Variants in NFILZ observed in about 807,000 individuals in gnomAD.
NFILZ encodes the protein NFIL3 like basic leucine zipper.
chr19:8,644,486 T>C (rs542401938), intron 3 of NFILZ, among the ~76,000 whole-genome samples: 5 of 151,876 alleles, frequency 3.3e-5, no homozygotes, highest in African/African-American at 1.2e-4. Context: ...GTCTATGCTA[T>C]GACTTTGAAG....
At chr19:8,654,723 C>G (rs961682471) in intron 3 of NFILZ, among the ~76,000 whole-genome samples, 1 of 152,170 alleles carries the variant, frequency 6.6e-6, no homozygotes. Context: ...CAGTTCCATA[C>G]AGCGCCCACC....
At chr19:8,653,815 G>T (rs1555748038) in intron 3 of NFILZ, among the ~76,000 whole-genome samples, 1 of 152,188 alleles carries the variant, frequency 6.6e-6, no homozygotes, top group African/African-American at 2.4e-5. Flanking sequence ...TCAGGCCCTT[G>T]GGGTGGGAAA....
At position 8,647,795 on chromosome 19, in the gene NFILZ, G is replaced by GCACACACACACA. The variant is rs879996864; in HGVS notation, c.-164+12080_-164+12091dup. Among the ~76,000 whole-genome samples the GCACACACACACA allele has an allele frequency of 1.3e-4, 10 of 76,332 alleles. No homozygotes were observed. In the East Asian group the frequency reaches 2.7e-3, roughly 20 times the overall value. 50.1% of individuals were successfully genotyped at this position (76,332 alleles called of 152,430 possible). A position where few individuals can be genotyped will look rare whatever the true frequency, so the allele number is the denominator to read the frequency against. ...CGCACACATGCGCGCGCGCGCGCGC[G>GCACACACACACA]CACACACACACACACACACACACAC... is the stretch of plus-strand genomic sequence containing the variant. On this transcript the variant is annotated intron_variant, in intron 3 of 5. Transcript: ENST00000691075.
intron 3 of NFILZ, among the ~76,000 whole-genome samples, chr19:8,657,196 G>A (rs1203126098): frequency 6.6e-6 from 1 of 151,770 alleles, no homozygotes; most frequent in Non-Finnish European, 1.5e-5. Context: ...CCAGGCTGGA[G>A]TACAGTGGTA....
intron 3 of NFILZ, among the ~76,000 whole-genome samples, chr19:8,645,684 G>C (rs8111024): frequency 0.041 from 6,262 of 152,248 alleles, 408 homozygotes; most frequent in African/African-American, 0.14. Flanking sequence ...GTGTGGGTAG[G>C]AGAATGGGAG....
intron 3 of NFILZ, among the ~76,000 whole-genome samples, chr19:8,650,450 T>A (rs1354390956): frequency 6.6e-6 from 1 of 150,834 alleles, no homozygotes; most frequent in East Asian, 2.0e-4. Context: ...AGGTCAGGAG[T>A]TTGAGACCAG....
intron 3 of NFILZ, among the ~76,000 whole-genome samples, chr19:8,638,247 T>C (rs1555746294): frequency 9.2e-5 from 14 of 152,198 alleles, no homozygotes; most frequent in Non-Finnish European, 1.5e-5. Flanking sequence ...TGTGTGATGC[T>C]AGAAGTGCGC....
chr19:8,656,482 C>CAGCGCACCTCCTCCCTGG (rs1289847301), intron 3 of NFILZ, among the ~76,000 whole-genome samples: 1 of 45,562 alleles, frequency 2.2e-5, no homozygotes, highest in African/African-American at 9.2e-5. Flanking sequence ...CCTTCTCCCG[C>CAGCGCACCTCCTCCCTGG]AGCCCACCTT....
intron 3 of NFILZ, among the ~76,000 whole-genome samples, chr19:8,642,990 C>T (rs2042925413): frequency 6.8e-6 from 1 of 146,736 alleles, no homozygotes; most frequent in Non-Finnish European, 1.5e-5. Flanking sequence ...CTCCCTGTCA[C>T]CCAGGCTGGA....
intron 3 of NFILZ, among the ~76,000 whole-genome samples, chr19:8,666,812 C>T (rs1244159065): frequency 6.6e-6 from 1 of 152,178 alleles, no homozygotes; most frequent in East Asian, 1.9e-4. Context: ...CAGCTCACTA[C>T]AGCCTCGACC....
rs2918318 is a variant in NFILZ at position 8,646,051 on chromosome 19, G to T, written c.-164+10305G>T. ...CCCTTATTTTTTTTTCTTTTTTTTT[G>T]GGGGGGATGGACTCTTGCTCTGTTG... On this transcript the variant is annotated intron_variant, in intron 3 of 5. Coordinates refer to ENST00000691075, the MANE Select transcript of NFILZ (RefSeq NM_001378600.1). 6.1e-3 allele frequency among the ~76,000 whole-genome samples: 922 copies of T among 150,564 alleles called. 14 individuals are homozygous for T. Among genetic ancestry groups the T allele is most frequent in the African/African-American group, 0.021 (872 of 40,952 alleles).
chr19:8,663,750 G>GTGTGTGTGTGTGTGTGTGTGTGTGTA (rs2043047277), intron 3 of NFILZ, among the ~76,000 whole-genome samples: 1 of 136,966 alleles, frequency 7.3e-6, no homozygotes, highest in Non-Finnish European at 1.6e-5. Flanking sequence ...GTGTGTGTGT[G>GTGTGTGTGTGTGTGTGTGTGTGTGTA]TGTGTGTGTG....
chr19:8,647,795 G>GCACACACACACACACA (rs879996864), intron 3 of NFILZ, among the ~76,000 whole-genome samples: 1 of 76,302 alleles, frequency 1.3e-5, no homozygotes, highest in East Asian at 4.5e-4. Flanking sequence ...GCGCGCGCGC[G>GCACACACACACACACA]CACACACACA....
intron 3 of NFILZ, among the ~76,000 whole-genome samples, chr19:8,660,366 C>T (rs1002444863): frequency 7.2e-5 from 11 of 151,888 alleles, no homozygotes; most frequent in African/African-American, 2.4e-4. Flanking sequence ...GGGGAATGGT[C>T]CCTGTTCTCG....
At chr19:8,647,336 C>T (rs1449861734) in intron 3 of NFILZ, among the ~76,000 whole-genome samples, 1 of 152,130 alleles carries the variant, frequency 6.6e-6, no homozygotes, top group Non-Finnish European at 1.5e-5. Flanking sequence ...CTTTGTGAGG[C>T]TGAAGTGGGT....
intron 3 of NFILZ, among the ~76,000 whole-genome samples, chr19:8,672,454 CA>C (rs143520257): frequency 1.4e-5 from 2 of 144,436 alleles, no homozygotes; most frequent in East Asian, 2.0e-4. Flanking sequence ...TTAGTTCATT[CA>C]AAAAATCCAT....
At chr19:8,656,494 TCCCGCAGCCCAC>T (rs2043003405) in intron 3 of NFILZ, among the ~76,000 whole-genome samples, 3 of 69,752 alleles carry the variant, frequency 4.3e-5, no homozygotes, top group African/African-American at 6.3e-5. Context: ...GCCCACCTTC[TCCCGCAGCCCAC>T]CTTCTCCTGC....
intron 3 of NFILZ, among the ~76,000 whole-genome samples, chr19:8,650,514 C>T (rs1477301063): frequency 6.6e-6 from 1 of 151,698 alleles, no homozygotes; most frequent in African/African-American, 2.4e-5. Context: ...ATTAGCCGGG[C>T]GTGGTGGCAC....
rs1035779972 is a variant in NFILZ at position 8,648,080 on chromosome 19, A to G, written c.-164+12334A>G. On this transcript the variant is annotated intron_variant, in intron 3 of 5. Transcript: ENST00000691075. ...TCCCAGCTACTTGGGAGGCTGAGGCAGGAGAATGCTGTGAACCTGGGAGGT... is the reference window on the plus strand; with the variant it reads ...TCCCAGCTACTTGGGAGGCTGAGGCGGGAGAATGCTGTGAACCTGGGAGGT... Among the ~76,000 whole-genome samples the G allele has an allele frequency of 4.8e-5, 7 of 146,996 alleles. No homozygotes were observed. The South Asian group carries it at 6.7e-4, about 14-fold the overall frequency.
Sources: gnomAD v4.1 joint callset for allele counts (sites outside exome capture counted in the v4.1 genomes callset) on GRCh38, gnomAD v4.1.1 for gene constraint, MANE v1.5 for transcripts, NCBI Gene and HGNC (gene_info 2026-07-23, HGNC 2026-07-21) for gene names.